Variants in COL5A1 observed in about 807,000 individuals in gnomAD.
COL5A1 encodes collagen type V alpha 1 chain.
Under a neutral mutation model 263.7 loss-of-function variants are expected in COL5A1, and 16 were observed. The observed-to-expected ratio is 0.06, with a 90% CI of 0.04 to 0.09. The LOEUF (loss-of-function observed/expected upper bound fraction) is 0.09. COL5A1 is among the 10% of genes least tolerant of loss of function. COL5A1 has a pLI of 1.00. For synonymous variants in COL5A1, 1,012 were observed against 1,004.5 expected, an observed-to-expected ratio of 1.01 and a Z score of -0.14; for missense variants, 2,036 against 2,540.5, an observed-to-expected ratio of 0.80 and a Z score of 4.27.
At chr9:134,706,193 A>C (rs1322886233) in intron 4 of COL5A1, among the ~76,000 whole-genome samples, 9 of 152,186 alleles carry the variant, frequency 5.9e-5, no homozygotes. Flanking sequence ...TCTCATCCCA[A>C]GTCTTGTCCC....
At chr9:134,719,571 G>A (rs1204319215) in intron 4 of COL5A1, among the ~76,000 whole-genome samples, 1 of 152,248 alleles carries the variant, frequency 6.6e-6, no homozygotes, top group East Asian at 1.9e-4. Context: ...CCTGCAGGAG[G>A]GCTGGAAAAC....
intron 65 of COL5A1, among the ~76,000 whole-genome samples, chr9:134,835,917 G>A (rs1839838129): frequency 1.3e-5 from 2 of 152,188 alleles, no homozygotes; most frequent in Admixed American, 1.3e-4. Flanking sequence ...AGGTGTTTAG[G>A]GTGCAGCTGT....
At chr9:134,736,800 C>A (rs1478865700) in intron 9 of COL5A1, among the ~76,000 whole-genome samples, 1 of 152,334 alleles carries the variant, frequency 6.6e-6, no homozygotes, top group South Asian at 2.1e-4. Flanking sequence ...TTCCAAACTA[C>A]ATGGTGATGG....
chr9:134,685,137 TCA>T (rs1832985172), intron 1 of COL5A1, among the ~76,000 whole-genome samples: 1 of 99,040 alleles, frequency 1.0e-5, no homozygotes, highest in Non-Finnish European at 2.0e-5. Context: ...CATCCATCCA[TCA>T]TCCTCCCATT....
intron 4 of COL5A1, among the ~76,000 whole-genome samples, chr9:134,720,819 CTGAG>C (rs1564410318): frequency 2.0e-5 from 3 of 152,142 alleles, no homozygotes; most frequent in African/African-American, 7.2e-5. Flanking sequence ...GGAGCCGACT[CTGAG>C]TGAATGTTCC....
rs187069742 is a variant in COL5A1 at position 134,697,026 on chromosome 9, A to G, written c.278-2883A>G. Reference sequence around the variant, plus strand: ...GCGGAGCTTGCAGTGAGCTGAGATCACGCCACTGCACTCCAGCCTGGGCAA... The same window carrying G: ...GCGGAGCTTGCAGTGAGCTGAGATCGCGCCACTGCACTCCAGCCTGGGCAA... On this transcript the variant is annotated intron_variant, in intron 2 of 65. Coordinates refer to ENST00000371817, the MANE Select transcript of COL5A1 (RefSeq NM_000093.5). 7.0e-3 allele frequency among the ~76,000 whole-genome samples: 1,061 copies of G among 151,966 alleles called. 27 individuals are homozygous for G. In the South Asian group the frequency reaches 0.081, roughly 12 times the overall value.
chr9:134,793,763 G>T (rs972385186), intron 32 of COL5A1, among the ~76,000 whole-genome samples: 3 of 152,242 alleles, frequency 2.0e-5, no homozygotes, highest in African/African-American at 7.2e-5. Flanking sequence ...ATCACTGGAA[G>T]AAAGCAGATG....
In COL5A1 at chr9:134,754,745, TTC is replaced by T. The variant is rs1040844568; in HGVS notation, c.1827+421_1827+422del. ...ACCTGCTGTCTTGCCTCCTGGAATT[TTC>T]TGTCTGGTGCATGGTTCTCCTGGAT... On this transcript the variant is annotated intron_variant, in intron 16 of 65. Transcript: ENST00000371817. This position sits in a 1 kb window ranked among gnomAD's most constrained non-coding sequence, Gnocchi z 4.3. Among the ~76,000 whole-genome samples the T allele has an allele frequency of 1.3e-5, 2 of 152,098 alleles. No individual in the cohort carries two copies. Among genetic ancestry groups the T allele is most frequent in the Admixed American group, 1.3e-4 (2 of 15,272 alleles).
intron 34 of COL5A1, 71 bp from the exon 35 acceptor site, chr9:134,796,303 T>C (rs1837906658): frequency 1.3e-6 from 2 of 1,532,560 alleles, no homozygotes; most frequent in Non-Finnish European, 1.8e-6. Context: ...TTTGATGACG[T>C]TGTGGGCCAG....
Position 134,730,239 on chromosome 9 carries a change from C to A in COL5A1, c.928C>A (p.Leu310Met). 6.2e-7 allele frequency: 1 copy of A among 1,613,590 alleles called. No individual in the cohort carries two copies. Among genetic ancestry groups the A allele is most frequent in the Non-Finnish European group, 8.5e-7 (1 of 1,180,010 alleles). Residue 310 changes from leucine (L) to methionine (M), a missense_variant, in exon 7 of 66, where the codon CTG becomes ATG. Leu to Met is a conservative substitution (Grantham distance 15, BLOSUM62 2). This residue lies in a region of COL5A1 where 600 missense variants were observed against 634.5 expected (regional missense o/e 0.95). Transcript: ENST00000371817. ...TGTCTCTGTCCTTGGCTCCCAGGAGCTGACCCCGACCCCCACGGAAGCTGC... is the reference window on the plus strand; with the variant it reads ...TGTCTCTGTCCTTGGCTCCCAGGAGATGACCCCGACCCCCACGGAAGCTGC... ...AKETTEVPEE[L>M]TPTPTEAAPM...
At chr9:134,761,363 C>T (rs1588518948) in intron 18 of COL5A1, among the ~76,000 whole-genome samples, 1 of 152,210 alleles carries the variant, frequency 6.6e-6, no homozygotes, top group Non-Finnish European at 1.5e-5. Flanking sequence ...GCATGCCCTG[C>T]AGCCCTCCAT....
chr9:134,802,062 G>A (rs1838135390), intron 38 of COL5A1, 55 bp downstream of exon 38: 1 of 1,556,726 alleles, frequency 6.4e-7, no homozygotes, highest in South Asian at 1.1e-5. Flanking sequence ...TTGCCCACAG[G>A]GAAGAGGGTC....
chr9:134,731,782 C>A, intron 8 of COL5A1, 119 bp downstream of exon 8: 3 of 1,150,014 alleles, frequency 2.6e-6, no homozygotes, highest in Non-Finnish European at 3.7e-6. Flanking sequence ...AGTGTTACAC[C>A]CTATTCCCAA....
At chr9:134,715,778 T>A (rs1834238906) in intron 4 of COL5A1, among the ~76,000 whole-genome samples, 1 of 152,216 alleles carries the variant, frequency 6.6e-6, no homozygotes, top group Admixed American at 6.5e-5. Context: ...AGGTTACAGA[T>A]TAACAGCATC....
At position 134,713,470 on chromosome 9, in the gene COL5A1, A is replaced by G. The variant is rs531111593; in HGVS notation, c.654+12137A>G. Among the ~76,000 whole-genome samples, 4 of 152,366 alleles carry G rather than the reference A, an allele frequency of 2.6e-5. No individual in the cohort carries two copies. The South Asian group carries it at 8.3e-4, about 32-fold the overall frequency. On this transcript the variant is annotated intron_variant, in intron 4 of 65. Coordinates refer to ENST00000371817, the MANE Select transcript of COL5A1 (RefSeq NM_000093.5). ...GTTGCATCTGTCACTGTCCCATCAC[A>G]GGTAAAGCCACCTTACTCTATTGGT...
At position 134,760,388 on chromosome 9, in the gene COL5A1, ACC is replaced by A. The variant is rs201584509; in HGVS notation, c.1936-1533_1936-1532del. Among the ~76,000 whole-genome samples the A allele has an allele frequency of 1.5e-3, 102 of 70,102 alleles. 2 individuals carry two copies. Among genetic ancestry groups the A allele is most frequent in the African/African-American group, 8.0e-3 (95 of 11,906 alleles). 46.0% of individuals were successfully genotyped at this position (70,102 alleles called of 152,430 possible). A position where few individuals can be genotyped will look rare whatever the true frequency, so the allele number is the denominator to read the frequency against. Reference sequence around the variant, plus strand: ...ACACACACACCACACATGCATACACACCCCCACACCCCCACACTCATACACAC... The same window carrying A: ...ACACACACACCACACATGCATACACACCCACACCCCCACACTCATACACAC... On this transcript the variant is annotated intron_variant, in intron 18 of 65. Transcript: ENST00000371817.
rs748982334 is a variant in COL5A1, at chr9:134,841,147, A to T, written c.5371-1010A>T. On this transcript the variant is annotated intron_variant, in intron 65 of 65. Coordinates refer to ENST00000371817, the MANE Select transcript of COL5A1 (RefSeq NM_000093.5). This position sits in a 1 kb window ranked among gnomAD's most constrained non-coding sequence, Gnocchi z 4.8. ...ATTTCTTTTGGGGATGGGGCAGTGG[A>T]AGGAGATCCTTCCCAGGCCCAGATC... Among the ~76,000 whole-genome samples, 1 of 152,254 alleles carries T rather than the reference A, an allele frequency of 6.6e-6. No homozygotes were observed. Among genetic ancestry groups the T allele is most frequent in the Middle Eastern group, 3.4e-3 (1 of 294 alleles).
In COL5A1 at chr9:134,730,434, G is replaced by C. The variant is rs777789161; in HGVS notation, c.1123G>C (p.Glu375Gln). The part of the protein sequence containing the change: ...DQPTDPGAGA[E>Q]IPTSTADTSN... ...GCCCACAGACCCAGGCGCTGGGGCC[G>C]AAATTCCCACCAGCACCGCCGACAC... is the stretch of plus-strand genomic sequence containing the variant. The change falls in exon 7 of 66, where the codon GAA (glutamate) becomes CAA (glutamine). Residue 375 changes from glutamate (E) to glutamine (Q), a missense_variant. Physicochemically the swap from Glu to Gln is conservative, Grantham distance 29 (BLOSUM62 2). This residue lies in a region of COL5A1 where 600 missense variants were observed against 634.5 expected (regional missense o/e 0.95). Coordinates refer to ENST00000371817, the MANE Select transcript of COL5A1 (RefSeq NM_000093.5). The C allele has an allele frequency of 6.2e-7, 1 of 1,614,132 alleles. No individual in the cohort carries two copies. The highest frequency in any genetic ancestry group is 1.1e-5 in the South Asian group (1 of 91,088).
Position 134,817,847 on chromosome 9 carries a change from G to C in COL5A1, c.4230+16G>C. ...AGGGGCCAAGGTAACGTGTTTTGGA[G>C]CCAGGCTGTGACCGCGTAGACCTCC... On this transcript the variant is annotated intron_variant, in intron 54 of 65. Coordinates refer to ENST00000371817, the MANE Select transcript of COL5A1 (RefSeq NM_000093.5). The C allele has an allele frequency of 6.3e-7, 1 of 1,594,178 alleles. No homozygotes were observed. Among genetic ancestry groups the C allele is most frequent in the Non-Finnish European group, 8.5e-7 (1 of 1,170,044 alleles).
Sources: gnomAD v4.1 joint callset for allele counts (sites outside exome capture counted in the v4.1 genomes callset) on GRCh38, gnomAD v4.1.1 for gene constraint, gnomAD v4.1.1 regional missense constraint, Gnocchi (gnomAD v3.1) non-coding constraint, MANE v1.5 for transcripts, NCBI Gene and HGNC (gene_info 2026-07-23, HGNC 2026-07-21) for gene names.